The following JPH3 variants were observed in gnomAD, a reference collection of about 807,000 sequenced individuals.
JPH3 encodes junctophilin-3.
In JPH3, 11 loss-of-function variants were observed where a neutral mutation model predicts 59.6. That is an observed-to-expected ratio of 0.18 (90% CI 0.12 to 0.31). JPH3 has a LOEUF of 0.31. Ranked by LOEUF, JPH3 falls within the 10% of genes least tolerant of loss-of-function variation. JPH3 has a pLI of 1.00. For synonymous variants in JPH3, 673 were observed against 483.6 expected, an observed-to-expected ratio of 1.39 and a Z score of -5.14; for missense variants, 1,202 against 1,105.7, an observed-to-expected ratio of 1.09 and a Z score of -1.24.
At chr16:87,625,261 G>GGGTGAC (rs1415190156) in intron 1 of JPH3, among the ~76,000 whole-genome samples, 1 of 152,202 alleles carries the variant, frequency 6.6e-6, no homozygotes, top group African/African-American at 2.4e-5. Flanking sequence ...GGAGGAAGTG[G>GGGTGAC]GGTGACAGTG....
chr16:87,659,350 C>G (rs1219163763), intron 2 of JPH3, among the ~76,000 whole-genome samples: 2 of 127,654 alleles, frequency 1.6e-5, no homozygotes, highest in Non-Finnish European at 3.2e-5. Context: ...GCACTCCAGC[C>G]TGGGTGACAG....
rs146396351 is a variant in JPH3, at chr16:87,610,936, C to T, written c.382+7408C>T. 6.6e-5 allele frequency among the ~76,000 whole-genome samples: 10 copies of T among 152,296 alleles called. No individual in the cohort carries two copies. In the East Asian group the frequency reaches 1.2e-3, roughly 18 times the overall value. On this transcript the variant is annotated intron_variant, in intron 1 of 4. Coordinates refer to ENST00000284262, the MANE Select transcript of JPH3 (RefSeq NM_020655.4). Reference sequence around the variant, plus strand: ...AATTCCTCACTATCTTTTTACTGCTCCCTTTTCCTTGGCTTGATTCGTTCA... The same window carrying T: ...AATTCCTCACTATCTTTTTACTGCTTCCTTTTCCTTGGCTTGATTCGTTCA...
intron 1 of JPH3, among the ~76,000 whole-genome samples, chr16:87,618,010 A>G (rs2031036755): frequency 6.6e-6 from 1 of 152,000 alleles, no homozygotes; most frequent in African/African-American, 2.4e-5. Flanking sequence ...AGAAAATACA[A>G]AAATTAGCTG....
At chr16:87,682,058 C>T (rs1339021030) in intron 2 of JPH3, among the ~76,000 whole-genome samples, 1 of 152,078 alleles carries the variant, frequency 6.6e-6, no homozygotes, top group Non-Finnish European at 1.5e-5. Flanking sequence ...GGCCTGGAAT[C>T]GGAGCCCCCA....
chr16:87,689,576 C>G (rs1214730874), intron 3 of JPH3, 70 bp from the exon 4 acceptor site: 28 of 1,521,218 alleles, frequency 1.8e-5, no homozygotes, highest in Non-Finnish European at 2.4e-5. Flanking sequence ...CGCCCTGGCC[C>G]GGGGACCGCG....
At chr16:87,620,183 C>T (rs1383256793) in intron 1 of JPH3, among the ~76,000 whole-genome samples, 1 of 152,042 alleles carries the variant, frequency 6.6e-6, no homozygotes, top group Non-Finnish European at 1.5e-5. Context: ...GACTGGGATC[C>T]CAGCGCAGGC....
Position 87,696,699 on chromosome 16 carries a change from A to T in JPH3, c.*39A>T. On this transcript the variant is annotated 3_prime_UTR_variant, in exon 5 of 5. Transcript: ENST00000284262. ...TAGCAAAAATAGAGAAAGGGTAGAA[A>T]AAAGGGACATTAAAATTAAAAGCAA... The T allele has an allele frequency of 6.6e-7, 1 of 1,525,610 alleles. No individual in the cohort carries two copies. Among genetic ancestry groups the T allele is most frequent in the South Asian group, 1.1e-5 (1 of 89,298 alleles). 94.5% of individuals were successfully genotyped at this position (1,525,610 alleles called of 1,614,324 possible).
chr16:87,667,251 A>C (rs1238768422), intron 2 of JPH3, among the ~76,000 whole-genome samples: 1 of 152,172 alleles, frequency 6.6e-6, no homozygotes, highest in Non-Finnish European at 1.5e-5. Context: ...ATAACCGAGG[A>C]TGCCCTCTTC....
At chr16:87,659,781 G>T (rs993052770) in intron 2 of JPH3, among the ~76,000 whole-genome samples, 3 of 152,102 alleles carry the variant, frequency 2.0e-5, no homozygotes, top group African/African-American at 4.8e-5. Context: ...ACCGTAAGTG[G>T]CATTAAGCAT....
Position 87,690,014 on chromosome 16 carries a change from C to T in JPH3, c.1654C>T (p.Leu552Phe), listed in dbSNP as rs780668828. The part of the protein sequence containing the change: ...VRSGALRGGL[L>F]VDDFRTRGSG... ...CAGCGGTGCCCTGCGCGGCGGCCTG[C>T]TCGTGGATGACTTCCGCACCCGAGG... Residue 552 changes from leucine to phenylalanine, a missense_variant, in exon 4 of 5, where the codon CTC becomes TTC. Physicochemically the swap from Leu to Phe is conservative, Grantham distance 22. Transcript: ENST00000284262. 13 of 1,525,196 alleles carry T rather than the reference C, an allele frequency of 8.5e-6. No homozygotes were observed. Among genetic ancestry groups the T allele is most frequent in the Non-Finnish European group, 1.1e-5 (12 of 1,135,424 alleles). 94.5% of individuals were successfully genotyped at this position (1,525,196 alleles called of 1,614,324 possible).
intron 1 of JPH3, among the ~76,000 whole-genome samples, chr16:87,618,566 C>T (rs976425265): frequency 3.9e-5 from 6 of 152,218 alleles, no homozygotes; most frequent in African/African-American, 1.2e-4. Flanking sequence ...GCACTAACTC[C>T]ACCCCAGCCT....
At chr16:87,645,158 G>A (rs2032104059) in intron 2 of JPH3, 123 bp downstream of exon 2, 1 of 1,016,722 alleles carries the variant, frequency 9.8e-7, no homozygotes, top group South Asian at 1.7e-5. Context: ...CTACACTGGT[G>A]TTTCTCAAAC....
chr16:87,695,431 T>C, intron 4 of JPH3: 2 of 456,052 alleles, frequency 4.4e-6, no homozygotes, highest in Non-Finnish European at 8.8e-6. Context: ...CAGCAGGATG[T>C]CTGCGTGGTA....
At chr16:87,696,108 C>T (rs552165477) in intron 4 of JPH3, 2 of 457,886 alleles carry the variant, frequency 4.4e-6, no homozygotes, top group East Asian at 6.9e-5. Context: ...TTTGGGAGTC[C>T]TCTGAGTTCC....
intron 1 of JPH3, among the ~76,000 whole-genome samples, chr16:87,643,955 A>G (rs1753307122): frequency 6.6e-6 from 1 of 152,178 alleles, no homozygotes. Context: ...TGGCCAACAT[A>G]ATGAGACTGC....
intron 2 of JPH3, among the ~76,000 whole-genome samples, chr16:87,653,183 C>T (rs1043959899): frequency 8.5e-5 from 13 of 152,206 alleles, no homozygotes; most frequent in African/African-American, 2.4e-4. Context: ...CTTGAAATGT[C>T]CTCTGAACAG....
chr16:87,638,150 C>T (rs948362708), intron 1 of JPH3, among the ~76,000 whole-genome samples: 2 of 152,282 alleles, frequency 1.3e-5, no homozygotes, highest in African/African-American at 4.8e-5. Context: ...GAACTCCTGA[C>T]CTCAGGTGAT....
intron 2 of JPH3, among the ~76,000 whole-genome samples, chr16:87,668,532 C>T (rs1291416561): frequency 6.6e-6 from 1 of 152,194 alleles, no homozygotes; most frequent in Admixed American, 6.5e-5. Context: ...ATCTGTTACA[C>T]CAAATGCAGT....
chr16:87,688,780 A>G (rs896435671), intron 3 of JPH3, among the ~76,000 whole-genome samples: 2 of 152,072 alleles, frequency 1.3e-5, no homozygotes, highest in Non-Finnish European at 2.9e-5. Context: ...TGTTCCCCGG[A>G]GGGTAAGAAG....
Sources: gnomAD v4.1 joint callset for allele counts (sites outside exome capture counted in the v4.1 genomes callset) on GRCh38, gnomAD v4.1.1 for gene constraint, MANE v1.5 for transcripts, NCBI Gene and HGNC (gene_info 2026-07-23, HGNC 2026-07-21) for gene names.